Variants in NECTIN1 observed in about 807,000 individuals in gnomAD.
NECTIN1 encodes nectin-1.
A neutral mutation model predicts 48.0 loss-of-function variants in NECTIN1; 23 were observed. That is an observed-to-expected ratio of 0.48 (90% CI 0.34 to 0.68). The LOEUF (loss-of-function observed/expected upper bound fraction) is 0.68, where lower values mean the gene tolerates loss of function less well. NECTIN1 is among the 30% of genes least tolerant of loss of function. The pLI, the probability that NECTIN1 is intolerant of heterozygous loss-of-function variation, is 0.01. For missense variants in NECTIN1, 591 were observed against 709.9 expected (o/e 0.83, Z 1.90); for synonymous variants, 270 against 288.9 (o/e 0.93, Z 0.66).
chr11:119,677,450 G>T lies in NECTIN1; in HGVS notation c.733+105C>A. The T allele has an allele frequency of 7.4e-7, 1 of 1,351,422 alleles. No individual in the cohort carries two copies. 83.7% of individuals were successfully genotyped at this position (1,351,422 alleles called of 1,614,324 possible). A position where few individuals can be genotyped will look rare whatever the true frequency, so the allele number is the denominator to read the frequency against. On this transcript the variant is annotated intron_variant, in intron 3 of 5. Coordinates refer to ENST00000264025, the MANE Select transcript of NECTIN1 (RefSeq NM_002855.5). This position sits in a 1 kb window ranked among gnomAD's most constrained non-coding sequence, Gnocchi z 5.4. Reference sequence around the variant, plus strand: ...AGGAGATAGGGGAGACAGGAGGGGAGAAGAAAGCACCCCCAGAAAGAGAAA... The same window carrying T: ...AGGAGATAGGGGAGACAGGAGGGGATAAGAAAGCACCCCCAGAAAGAGAAA...
rs115196807 is a variant in NECTIN1, at chr11:119,663,967, C to T, written c.*780G>A. On this transcript the variant is annotated 3_prime_UTR_variant, in exon 6 of 6. Coordinates refer to ENST00000264025, the MANE Select transcript of NECTIN1 (RefSeq NM_002855.5). Reference sequence around the variant, plus strand: ...GTGTGTGCATGTGTGTGTGTGTGCACGTGTCAGCAGAGGCAGAGAGCAAGT... The same window carrying T: ...GTGTGTGCATGTGTGTGTGTGTGCATGTGTCAGCAGAGGCAGAGAGCAAGT... 2.7e-5 allele frequency: 27 copies of T among 986,080 alleles called. No individual in the cohort carries two copies. The highest frequency in any genetic ancestry group is 7.0e-5 in the African/African-American group (4 of 57,276). The allele number at this position is 986,080 out of a possible 1,614,324, so 61.1% of individuals were successfully genotyped here. A position where few individuals can be genotyped will look rare whatever the true frequency, so the allele number is the denominator to read the frequency against.
At position 119,717,579 on chromosome 11, in the gene NECTIN1, G is replaced by A. The variant is rs140918754; in HGVS notation, c.79+10896C>T. Among the ~76,000 whole-genome samples, 368 of 152,260 alleles carry A rather than the reference G, an allele frequency of 2.4e-3. 4 individuals carry two copies. The highest frequency in any genetic ancestry group is 8.1e-3 in the African/African-American group (336 of 41,550). The stretch of plus-strand genomic sequence containing the variant: ...TAATCCAGTGCAGTGTGGCTGCTCC[G>A]CTCCAGTGTTATTTACAGTGTTATT... On this transcript the variant is annotated intron_variant, in intron 1 of 5. Transcript: ENST00000264025.
At chr11:119,702,070 C>T (rs1230049807) in intron 1 of NECTIN1, among the ~76,000 whole-genome samples, 1 of 152,216 alleles carries the variant, frequency 6.6e-6, no homozygotes, top group Non-Finnish European at 1.5e-5. Flanking sequence ...CTGGGGCAGA[C>T]AGGGTCCCAG....
At chr11:119,666,034 G>T (rs1864763490) in intron 5 of NECTIN1, among the ~76,000 whole-genome samples, 1 of 152,176 alleles carries the variant, frequency 6.6e-6, no homozygotes, top group Non-Finnish European at 1.5e-5. Flanking sequence ...CTGTGGTCTG[G>T]GCCTGCAGGG....
intron 1 of NECTIN1, among the ~76,000 whole-genome samples, chr11:119,725,266 G>A (rs1168846122): frequency 2.0e-5 from 3 of 152,116 alleles, no homozygotes; most frequent in African/African-American, 4.8e-5. Context: ...CAGTAGCCAA[G>A]GTGGATTCAT....
At chr11:119,660,923 T>TC, downstream of NECTIN1, 1 of 827,088 alleles carries the variant, frequency 1.2e-6, no homozygotes, top group Non-Finnish European at 1.5e-6. Flanking sequence ...CTCTGTGCCA[T>TC]CCCCTCCAGC....
intron 1 of NECTIN1, among the ~76,000 whole-genome samples, chr11:119,691,291 G>A (rs944223853): frequency 2.6e-5 from 4 of 152,230 alleles, no homozygotes; most frequent in Admixed American, 6.5e-5. Flanking sequence ...CCTGAACTCA[G>A]CTCCTCTGGA....
intron 1 of NECTIN1, among the ~76,000 whole-genome samples, chr11:119,691,816 T>C (rs1427150338): frequency 6.6e-6 from 1 of 152,188 alleles, no homozygotes; most frequent in Non-Finnish European, 1.5e-5. Context: ...AGGAGTTTTC[T>C]GGGAGCCCTC....
At chr11:119,725,040 C>T (rs111618519) in intron 1 of NECTIN1, among the ~76,000 whole-genome samples, 11 of 152,226 alleles carry the variant, frequency 7.2e-5, no homozygotes, top group African/African-American at 1.4e-4. Context: ...GAGATACAAT[C>T]GGAAAAATTG....
At chr11:119,652,889 A>G (rs1427234157) in intron 5 of NECTIN1, among the ~76,000 whole-genome samples, 1 of 152,178 alleles carries the variant, frequency 6.6e-6, no homozygotes, top group Non-Finnish European at 1.5e-5. Flanking sequence ...TCACATCCCC[A>G]CTGATGGTAC....
chr11:119,706,124 T>A (rs989290997), intron 1 of NECTIN1, among the ~76,000 whole-genome samples: 2 of 152,170 alleles, frequency 1.3e-5, no homozygotes, highest in African/African-American at 4.8e-5. Flanking sequence ...GCTCCTCTCT[T>A]CTTCCACCTT....
chr11:119,674,558 C>T, intron 5 of NECTIN1: 1 of 1,614,236 alleles, frequency 6.2e-7, no homozygotes, highest in East Asian at 2.2e-5. Context: ...ACATCAAGCC[C>T]ATGCTCCTTT....
intron 4 of NECTIN1, chr11:119,676,700 A>G (rs1366244041): frequency 3.3e-6 from 1 of 300,232 alleles, no homozygotes; most frequent in Non-Finnish European, 6.5e-6. Context: ...GAGAGAAGGA[A>G]TAGGGACAAA....
chr11:119,665,420 A>G lies in NECTIN1; in HGVS notation c.1004-123T>C, dbSNP rs1864749770. ...ACAGGCTGTCTGCACCCCAGGTTTG[A>G]GCAGCTCCAGTTCGAGGCCCCGCAG... On this transcript the variant is annotated intron_variant, in intron 5 of 5. Coordinates refer to ENST00000264025, the MANE Select transcript of NECTIN1 (RefSeq NM_002855.5). This position sits in a 1 kb window ranked among gnomAD's most constrained non-coding sequence, Gnocchi z 5.1. 3 of 1,440,318 alleles carry G rather than the reference A, an allele frequency of 2.1e-6. No individual in the cohort carries two copies. In the South Asian group the frequency reaches 4.4e-5, roughly 21 times the overall value. The allele number at this position is 1,440,318 out of a possible 1,614,324, so 89.2% of individuals were successfully genotyped here. A position where few individuals can be genotyped will look rare whatever the true frequency, so the allele number is the denominator to read the frequency against.
At position 119,689,731 on chromosome 11, in the gene NECTIN1, A is replaced by G. The variant is rs556496303; in HGVS notation, c.80-10966T>C. 3.0e-4 allele frequency among the ~76,000 whole-genome samples: 45 copies of G among 152,280 alleles called. No homozygotes were observed. The South Asian group carries it at 8.7e-3, about 29-fold the overall frequency. The stretch of plus-strand genomic sequence containing the variant: ...ATTGGGATGGAGGGCTCTCGACCCC[A>G]TCCCCTCGAGAAGGTCTTGGTCTCA... On this transcript the variant is annotated intron_variant, in intron 1 of 5. Coordinates refer to ENST00000264025, the MANE Select transcript of NECTIN1 (RefSeq NM_002855.5).
At chr11:119,648,893 G>A (rs1042489653) in intron 5 of NECTIN1, among the ~76,000 whole-genome samples, 2 of 152,160 alleles carry the variant, frequency 1.3e-5, no homozygotes, top group Admixed American at 6.5e-5. Context: ...GCAGGGCTCC[G>A]ACACTCCTGG....
At chr11:119,669,594 G>T (rs1369898022) in intron 5 of NECTIN1, among the ~76,000 whole-genome samples, 1 of 151,808 alleles carries the variant, frequency 6.6e-6, no homozygotes, top group Non-Finnish European at 1.5e-5. Flanking sequence ...GACAAATCCT[G>T]TTGAAGTGTA....
rs543559536 is a variant in NECTIN1 at position 119,699,722 on chromosome 11, C to T, written c.80-20957G>A. ...AGTGCTCATGAAGTCCTCAGCCTTC[C>T]AAGGCAGGTGTTAGGAGACAGCTGA... On this transcript the variant is annotated intron_variant, in intron 1 of 5. Transcript: ENST00000264025. Among the ~76,000 whole-genome samples the T allele has an allele frequency of 2.7e-4, 41 of 152,308 alleles. No homozygotes were observed. In the South Asian group the frequency reaches 8.3e-3, roughly 31 times the overall value.
chr11:119,655,342 C>T lies in NECTIN1; in HGVS notation c.1004-15330G>A, dbSNP rs564843252. ...TGGCCTCTCCCACTATTAAAAATCC[C>T]GTACTAAAAATAAAAAACATTCTAC... is the stretch of plus-strand genomic sequence containing the variant. On this transcript the variant is annotated intron_variant, in intron 5 of 7. Coordinates refer to the NECTIN1 transcript ENST00000341398. 7.2e-5 allele frequency among the ~76,000 whole-genome samples: 11 copies of T among 152,212 alleles called. No individual in the cohort carries two copies. The South Asian group carries it at 1.0e-3, about 14-fold the overall frequency.
Sources: gnomAD v4.1 joint callset for allele counts (sites outside exome capture counted in the v4.1 genomes callset) on GRCh38, gnomAD v4.1.1 for gene constraint, Gnocchi (gnomAD v3.1) non-coding constraint, MANE v1.5 for transcripts, NCBI Gene and HGNC (gene_info 2026-07-23, HGNC 2026-07-21) for gene names.